Variants in FGGY observed in about 807,000 individuals in gnomAD.
FGGY encodes FGGY carbohydrate kinase domain-containing protein.
FGGY carries 72 observed loss-of-function variants against 71.3 expected under a neutral mutation model. The observed-to-expected ratio is 1.01, with a 90% confidence interval of 0.84 to 1.23. FGGY has a LOEUF of 1.23. FGGY is among the 50% of genes most tolerant of loss of function. The probability of loss-of-function intolerance (pLI) is 0.00; values close to 1 mark genes in which losing one functional copy is unlikely to be tolerated. For missense variants in FGGY, 668 were observed against 682.3 expected, an observed-to-expected ratio of 0.98 and a Z score of 0.23; for synonymous variants, 251 against 250.3, an observed-to-expected ratio of 1.00 and a Z score of -0.02.
At chr1:59,427,093 G>A (rs1374275718) in intron 5 of FGGY, among the ~76,000 whole-genome samples, 1 of 152,058 alleles carries the variant, frequency 6.6e-6, no homozygotes, top group Non-Finnish European at 1.5e-5. Context: ...ATGAATCAAC[G>A]AACACACAAA....
chr1:59,660,121 G>A (rs769581541), intron 11 of FGGY, 98 bp from the exon 12 acceptor site: 116 of 1,072,270 alleles, frequency 1.1e-4, no homozygotes, highest in Non-Finnish European at 1.5e-4. Flanking sequence ...AACTTGTTTC[G>A]GCAAGAAAAC....
chr1:59,678,917 C>T (rs1461816163), intron 14 of FGGY, among the ~76,000 whole-genome samples: 1 of 152,190 alleles, frequency 6.6e-6, no homozygotes, highest in Non-Finnish European at 1.5e-5. Flanking sequence ...CACAGACCTT[C>T]CTTCCTCCCA....
chr1:59,430,762 G>A (rs1402028321), intron 5 of FGGY, among the ~76,000 whole-genome samples: 1 of 152,120 alleles, frequency 6.6e-6, no homozygotes, highest in Non-Finnish European at 1.5e-5. Flanking sequence ...ACAACAAAAT[G>A]TCATGCCTTC....
At chr1:59,424,733 C>T (rs192283035) in intron 5 of FGGY, among the ~76,000 whole-genome samples, 43 of 152,240 alleles carry the variant, frequency 2.8e-4, no homozygotes, top group Admixed American at 3.9e-4. Flanking sequence ...ACTTGGCATA[C>T]AGTCAGTTTT....
At chr1:59,623,134 C>T (rs1232082134) in intron 9 of FGGY, among the ~76,000 whole-genome samples, 1 of 152,070 alleles carries the variant, frequency 6.6e-6, no homozygotes, top group Non-Finnish European at 1.5e-5. Context: ...AATATCTGTG[C>T]CTTATATTCC....
intron 14 of FGGY, among the ~76,000 whole-genome samples, chr1:59,710,756 C>G (rs1180498350): frequency 6.6e-6 from 1 of 152,074 alleles, no homozygotes; most frequent in Non-Finnish European, 1.5e-5. Context: ...CGTCTCAACA[C>G]CAGTTGGAAT....
In FGGY at chr1:59,667,393, G is replaced by A. The variant is rs149200798; in HGVS notation, c.1407G>A (p.Ala469=). Residue 469 remains alanine (A), a synonymous_variant, in exon 13 of 16, where the codon GCG becomes GCA. Transcript: ENST00000303721. The part of the protein sequence containing the change: ...SKNPLFVQMH[A]DITGMPVVLS... ...ATCCCCTTTTTGTGCAAATGCATGC[G>A]GACATTACTGGTAAGTCTGGGAAAG... The A allele has an allele frequency of 2.2e-5, 36 of 1,613,930 alleles. No individual in the cohort carries two copies. Among genetic ancestry groups the A allele is most frequent in the Middle Eastern group, 1.6e-4 (1 of 6,082 alleles).
intron 7 of FGGY, among the ~76,000 whole-genome samples, chr1:59,529,333 A>G (rs1484220238): frequency 6.6e-6 from 1 of 152,190 alleles, no homozygotes; most frequent in South Asian, 2.1e-4. Flanking sequence ...GTCTACATGT[A>G]TAATCTTCAC....
intron 7 of FGGY, among the ~76,000 whole-genome samples, chr1:59,517,254 CTTTTTTTT>C (rs57951011): frequency 1.1e-5 from 1 of 87,656 alleles, no homozygotes; most frequent in South Asian, 3.8e-4. Flanking sequence ...CTCAGTTGCT[CTTTTTTTT>C]TTTTTTTTTT....
intron 7 of FGGY, among the ~76,000 whole-genome samples, chr1:59,527,764 G>C (rs955238189): frequency 1.3e-5 from 2 of 152,188 alleles, no homozygotes; most frequent in African/African-American, 4.8e-5. Flanking sequence ...GAAAATGTAT[G>C]AAGGGGCAAC....
intron 8 of FGGY, among the ~76,000 whole-genome samples, chr1:59,599,091 TGTTC>T (rs891732749): frequency 7.3e-6 from 1 of 136,626 alleles, no homozygotes; most frequent in African/African-American, 2.5e-5. Context: ...GTCCTACACA[TGTTC>T]GTTTGTTTGT....
rs1416295852 is a variant in FGGY at position 59,386,766 on chromosome 1, TGTAA to T, written c.554+7936_554+7939del. On this transcript the variant is annotated intron_variant, in intron 5 of 15. Coordinates refer to ENST00000303721, the MANE Select transcript of FGGY (RefSeq NM_018291.5). ...CTTCTTATGTACAAACAAGAGACAC[TGTAA>T]GTAAGTTTGGTTTACTGGTTAAATG... 1.1e-4 allele frequency among the ~76,000 whole-genome samples: 17 copies of T among 152,334 alleles called. No individual in the cohort carries two copies. In the East Asian group the frequency reaches 3.1e-3, roughly 28 times the overall value.
intron 9 of FGGY, among the ~76,000 whole-genome samples, chr1:59,613,523 T>C (rs565779456): frequency 6.6e-6 from 1 of 152,206 alleles, no homozygotes; most frequent in Admixed American, 6.5e-5. Flanking sequence ...TTTATAGCAC[T>C]AAATGCCCAC....
intron 6 of FGGY, among the ~76,000 whole-genome samples, chr1:59,479,541 G>A (rs2093393427): frequency 6.6e-6 from 1 of 152,158 alleles, no homozygotes; most frequent in Non-Finnish European, 1.5e-5. Flanking sequence ...AGACAAAAAT[G>A]GTACAGCTCA....
intron 9 of FGGY, among the ~76,000 whole-genome samples, chr1:59,621,459 C>CAAAAAAAAA (rs56172542): frequency 1.0e-5 from 1 of 98,800 alleles, no homozygotes; most frequent in African/African-American, 3.8e-5. Context: ...GCCTCCGTCT[C>CAAAAAAAAA]AAAAAAAAAA....
intron 6 of FGGY, among the ~76,000 whole-genome samples, chr1:59,483,478 TTC>T (rs2093564426): frequency 6.6e-6 from 1 of 152,174 alleles, no homozygotes; most frequent in African/African-American, 2.4e-5. Flanking sequence ...AATAAAATAC[TTC>T]TCTAGGATTT....
At chr1:59,688,777 TCTCA>T (rs2097565659) in intron 14 of FGGY, among the ~76,000 whole-genome samples, 1 of 148,624 alleles carries the variant, frequency 6.7e-6, no homozygotes, top group Non-Finnish European at 1.5e-5. Flanking sequence ...TGAGATGGAG[TCTCA>T]CTCTGTCGCC....
At chr1:59,577,306 C>A (rs1333277834) in intron 8 of FGGY, among the ~76,000 whole-genome samples, 1 of 152,192 alleles carries the variant, frequency 6.6e-6, no homozygotes, top group Non-Finnish European at 1.5e-5. Flanking sequence ...AAATAAAATT[C>A]TACTCTCTTT....
intron 5 of FGGY, among the ~76,000 whole-genome samples, chr1:59,403,371 G>A (rs1435768825): frequency 2.0e-5 from 3 of 152,158 alleles, no homozygotes; most frequent in South Asian, 2.1e-4. Flanking sequence ...AGTAAAGTCC[G>A]GCTGTGTGCC....
Sources: allele counts gnomAD v4.1 joint callset (sites outside exome capture counted in the v4.1 genomes callset), GRCh38; gene constraint gnomAD v4.1.1; transcripts MANE v1.5; gene names NCBI Gene and HGNC (gene_info 2026-07-23, HGNC 2026-07-21).